The following NFIA variants were observed in gnomAD, a reference collection of about 807,000 sequenced individuals.
NFIA encodes the protein nuclear factor I A, also known as nuclear factor 1 A-type.
Under a neutral mutation model 62.8 loss-of-function variants are expected in NFIA, and 8 were observed. That is an observed-to-expected ratio of 0.13 (90% CI 0.07 to 0.23). The LOEUF (loss-of-function observed/expected upper bound fraction) is 0.23, where lower values mean the gene tolerates loss of function less well. Ranked by LOEUF, NFIA falls within the 10% of genes least tolerant of loss-of-function variation. NFIA has a pLI of 1.00. For missense variants in NFIA, 410 were observed against 642.1 expected (o/e 0.64, Z 3.91); for synonymous variants, 235 against 238.1 (o/e 0.99, Z 0.12).
At chr1:61,260,038 T>C (rs1656660029) in intron 2 of NFIA, among the ~76,000 whole-genome samples, 2 of 152,090 alleles carry the variant, frequency 1.3e-5, no homozygotes, top group Non-Finnish European at 2.9e-5. Context: ...AGTTAAAGCC[T>C]ATGGAAAAAA....
At chr1:61,200,057 T>C (rs1393339239) in intron 2 of NFIA, among the ~76,000 whole-genome samples, 4 of 56,954 alleles carry the variant, frequency 7.0e-5, no homozygotes, top group South Asian at 6.8e-4. Flanking sequence ...TATATATATA[T>C]ATATATATAT....
At chr1:61,336,106 T>C (rs1661592872) in intron 4 of NFIA, among the ~76,000 whole-genome samples, 1 of 152,184 alleles carries the variant, frequency 6.6e-6, no homozygotes, top group Non-Finnish European at 1.5e-5. Context: ...TCCTTTATTC[T>C]ACTCAGCTAG....
intron 2 of NFIA, among the ~76,000 whole-genome samples, chr1:61,234,486 G>A (rs534907980): frequency 6.6e-6 from 1 of 151,718 alleles, no homozygotes; most frequent in South Asian, 2.1e-4. Context: ...CCTCTGTTCC[G>A]ATTGCCAACT....
chr1:61,168,077 G>C (rs1649705424), intron 2 of NFIA, among the ~76,000 whole-genome samples: 1 of 152,178 alleles, frequency 6.6e-6, no homozygotes, highest in African/African-American at 2.4e-5. Context: ...AACATTGTCA[G>C]AGCTTTTTTT....
At chr1:61,189,690 C>T (rs946862730) in intron 2 of NFIA, among the ~76,000 whole-genome samples, 1 of 151,906 alleles carries the variant, frequency 6.6e-6, no homozygotes, top group Admixed American at 6.6e-5. Flanking sequence ...AAAAGGCTGC[C>T]ATAGGTTGCG....
At chr1:61,203,149 T>C (rs2100592385) in intron 2 of NFIA, among the ~76,000 whole-genome samples, 1 of 152,326 alleles carries the variant, frequency 6.6e-6, no homozygotes, top group East Asian at 1.9e-4. Flanking sequence ...AAATGTGTTT[T>C]TTATTCCGAG....
intron 2 of NFIA, among the ~76,000 whole-genome samples, chr1:61,203,244 G>C (rs539192542): frequency 2.0e-4 from 31 of 152,250 alleles, no homozygotes; most frequent in African/African-American, 7.5e-4. Context: ...GTAAGCAGTG[G>C]GATAGACATT....
chr1:61,402,033 C>CTTTTTTTTTTTTTTTT (rs10636290), intron 7 of NFIA, among the ~76,000 whole-genome samples: 2 of 94,568 alleles, frequency 2.1e-5, no homozygotes, highest in Non-Finnish European at 3.9e-5. Context: ...ACTCATTTTT[C>CTTTTTTTTTTTTTTTT]TTTTTTTTTT....
chr1:61,261,751 C>T (rs1656786327), intron 2 of NFIA, among the ~76,000 whole-genome samples: 1 of 152,154 alleles, frequency 6.6e-6, no homozygotes, highest in African/African-American at 2.4e-5. Flanking sequence ...TGGCGATCTG[C>T]CTTCCATGCA....
At chr1:61,139,276 G>GA (rs1398975022) in intron 2 of NFIA, among the ~76,000 whole-genome samples, 5 of 152,120 alleles carry the variant, frequency 3.3e-5, no homozygotes, top group Non-Finnish European at 7.4e-5. Context: ...AAAAGTGGAG[G>GA]AAAAAACATG....
intron 2 of NFIA, among the ~76,000 whole-genome samples, chr1:61,145,073 G>A (rs991240247): frequency 4.6e-5 from 7 of 151,914 alleles, no homozygotes; most frequent in African/African-American, 1.7e-4. Flanking sequence ...TTTAATTAAG[G>A]GGCTTCCAAA....
intron 2 of NFIA, among the ~76,000 whole-genome samples, chr1:61,205,027 A>C (rs1185095409): frequency 6.6e-6 from 1 of 152,304 alleles, no homozygotes; most frequent in South Asian, 2.1e-4. Context: ...ACACTGATGG[A>C]TTTAAAGCCC....
intron 3 of NFIA, among the ~76,000 whole-genome samples, chr1:61,286,461 A>T (rs1368220862): frequency 6.6e-6 from 1 of 151,500 alleles, no homozygotes; most frequent in Non-Finnish European, 1.5e-5. Context: ...TGCTGGATAT[A>T]TTTGGACTAG....
chr1:61,372,930 G>A (rs1663976007), intron 6 of NFIA, among the ~76,000 whole-genome samples: 1 of 152,150 alleles, frequency 6.6e-6, no homozygotes, highest in South Asian at 2.1e-4. Flanking sequence ...AAGAGCTGAA[G>A]AGAGAACCTC....
chr1:61,415,283 C>A (rs897366293), intron 9 of NFIA, among the ~76,000 whole-genome samples: 5 of 151,836 alleles, frequency 3.3e-5, no homozygotes, highest in Admixed American at 6.6e-5. Flanking sequence ...AAATACAGGG[C>A]AAATTTTTAT....
chr1:61,250,851 T>G (rs1570452827), intron 2 of NFIA, among the ~76,000 whole-genome samples: 1 of 152,196 alleles, frequency 6.6e-6, no homozygotes, highest in Admixed American at 6.5e-5. Context: ...AGAAAAACTT[T>G]GTTGAAAAAT....
At chr1:61,345,014 CA>C (rs1050141009) in intron 4 of NFIA, among the ~76,000 whole-genome samples, 10 of 152,152 alleles carry the variant, frequency 6.6e-5, no homozygotes, top group African/African-American at 2.4e-4. Context: ...CAGTAGCCTA[CA>C]TTACTATAAT....
intron 4 of NFIA, among the ~76,000 whole-genome samples, chr1:61,344,159 T>C (rs979238368): frequency 6.6e-6 from 1 of 152,224 alleles, no homozygotes; most frequent in South Asian, 2.1e-4. Context: ...CATAAATTAC[T>C]TTCCAAGTTA....
intron 2 of NFIA, among the ~76,000 whole-genome samples, chr1:61,163,311 T>C (rs1277221206): frequency 6.6e-6 from 1 of 152,214 alleles, no homozygotes; most frequent in East Asian, 1.9e-4. Context: ...TTACGAGTTA[T>C]GTGTCTTAGA....
Sources: gnomAD v4.1 joint callset for allele counts (sites outside exome capture counted in the v4.1 genomes callset) on GRCh38, gnomAD v4.1.1 for gene constraint, MANE v1.5 for transcripts, NCBI Gene and HGNC (gene_info 2026-07-23, HGNC 2026-07-21) for gene names.